The following TPO variants were observed in gnomAD, a reference collection of about 807,000 sequenced individuals.
TPO encodes thyroid microsomal antigen.
TPO carries 78 observed loss-of-function variants against 96.9 expected under a neutral mutation model. That is an observed-to-expected ratio of 0.81 (90% CI 0.67 to 0.97). The LOEUF (loss-of-function observed/expected upper bound fraction) is 0.97. TPO is among the 50% of genes least tolerant of loss of function. The pLI is 0.00. For missense variants in TPO, 1,252 were observed against 1,274.8 expected (o/e 0.98, Z 0.27); for synonymous variants, 547 against 538.0 (o/e 1.02, Z -0.23).
At chr2:1,431,594 A>G (rs1185830577) in intron 3 of TPO, among the ~76,000 whole-genome samples, 1 of 152,252 alleles carries the variant, frequency 6.6e-6, no homozygotes, top group Non-Finnish European at 1.5e-5. Context: ...CAAAGTTAAC[A>G]TACCCATCAC....
At chr2:1,379,362 G>A (rs1320811412) in intron 1 of TPO, among the ~76,000 whole-genome samples, 5 of 152,146 alleles carry the variant, frequency 3.3e-5, no homozygotes, top group Non-Finnish European at 2.9e-5. Flanking sequence ...TCTGATCTTG[G>A]TAGGAATGAG....
intron 15 of TPO, among the ~76,000 whole-genome samples, chr2:1,537,236 C>G (rs1383801387): frequency 1.2e-5 from 1 of 85,896 alleles, no homozygotes; most frequent in Non-Finnish European, 2.3e-5. Context: ...AATCCCCCAA[C>G]TGTTTCGAAC....
Position 1,477,417 on chromosome 2 carries a change from A to T in TPO, c.1151A>T (p.Glu384Val), listed in dbSNP as rs755206181. The T allele has an allele frequency of 6.0e-5, 92 of 1,524,664 alleles. 1 individual carries two copies. The African/African-American group carries it at 8.7e-4, about 14-fold the overall frequency. The allele number at this position is 1,524,664 out of a possible 1,614,324, so 94.4% of individuals were successfully genotyped here. A position where few individuals can be genotyped will look rare whatever the true frequency, so the allele number is the denominator to read the frequency against. Residue 384 changes from glutamate to valine, a missense_variant, in exon 8 of 17, where the codon GAG (glutamate) becomes GTG (valine). Physicochemically the swap from Glu to Val is moderately radical, Grantham distance 121. Coordinates refer to ENST00000329066, the MANE Select transcript of TPO (RefSeq NM_001206744.2). ...GCGCCCGAGCCCGGCATCCCCGGAG[A>T]GACCCGCGGGCCCTGCTTCCTGGCC... ...ACAPEPGIPG[E>V]TRGPCFLAGD...
chr2:1,387,435 T>C (rs1414283564), intron 1 of TPO, among the ~76,000 whole-genome samples: 2 of 152,190 alleles, frequency 1.3e-5, no homozygotes, highest in African/African-American at 2.4e-5. Flanking sequence ...TCTCTAAACT[T>C]CTCTTCTCAC....
intron 2 of TPO, 72 bp downstream of exon 2, chr2:1,414,574 T>C: frequency 7.1e-7 from 1 of 1,411,756 alleles, no homozygotes. Flanking sequence ...ATAGAGGGCA[T>C]AATGGTAGCT....
chr2:1,477,397 C>A lies in TPO; in HGVS notation c.1131C>A (p.Pro377=). The change falls in exon 8 of 17, where the codon CCC becomes CCA. Residue 377 remains proline, a synonymous_variant. Transcript: ENST00000329066. ...CACGCGCGCCTGCGGCCTGTGCGCCCGAGCCCGGCATCCCCGGAGAGACCC... is the reference window on the plus strand; with the variant it reads ...CACGCGCGCCTGCGGCCTGTGCGCCAGAGCCCGGCATCCCCGGAGAGACCC... ...VPPRAPAACA[P]EPGIPGETRG... The A allele has an allele frequency of 1.3e-6, 2 of 1,525,410 alleles. No homozygotes were observed. Among genetic ancestry groups the A allele is most frequent in the Non-Finnish European group, 8.8e-7 (1 of 1,139,150 alleles). The allele number at this position is 1,525,410 out of a possible 1,614,324, so 94.5% of individuals were successfully genotyped here.
intron 3 of TPO, among the ~76,000 whole-genome samples, chr2:1,427,788 T>C (rs1029805410): frequency 2.1e-4 from 32 of 152,182 alleles, no homozygotes; most frequent in African/African-American, 7.0e-4. Flanking sequence ...ATTCATTCCC[T>C]TTTAGCATTC....
At position 1,436,281 on chromosome 2, in the gene TPO, A is replaced by C. The variant is rs746253061; in HGVS notation, c.379A>C (p.Ile127Leu). 2 of 1,614,250 alleles carry C rather than the reference A, an allele frequency of 1.2e-6. No homozygotes were observed. Among genetic ancestry groups the C allele is most frequent in the South Asian group, 2.2e-5 (2 of 91,080 alleles). The change falls in exon 5 of 17, where the codon ATT becomes CTT. Residue 127 changes from isoleucine to leucine, a missense_variant. Physicochemically the swap from Ile to Leu is conservative, Grantham distance 5. Coordinates refer to ENST00000329066, the MANE Select transcript of TPO (RefSeq NM_001206744.2). ...TTTATCAGAAGATCTGCTGAGCATCATTGCAAACATGTCTGGATGTCTCCC... is the reference window on the plus strand; with the variant it reads ...TTTATCAGAAGATCTGCTGAGCATCCTTGCAAACATGTCTGGATGTCTCCC... ...DALSEDLLSI[I>L]ANMSGCLPYM...
intron 15 of TPO, among the ~76,000 whole-genome samples, chr2:1,540,068 C>T (rs905321938): frequency 6.6e-6 from 1 of 152,164 alleles, no homozygotes; most frequent in Non-Finnish European, 1.5e-5. Flanking sequence ...CTTCCTGCAC[C>T]GGCCCCAGCT....
At chr2:1,419,091 C>T (rs913096000) in intron 2 of TPO, among the ~76,000 whole-genome samples, 10 of 152,154 alleles carry the variant, frequency 6.6e-5, no homozygotes, top group Non-Finnish European at 1.2e-4. Flanking sequence ...TCCCTGAATT[C>T]CACCTCTTTT....
chr2:1,374,148 T>A (rs1661681798), upstream of TPO: 2 of 152,166 alleles, frequency 1.3e-5, no homozygotes, highest in Non-Finnish European at 2.9e-5. Context: ...TCAGCCATGG[T>A]CTCCTCTTCA....
chr2:1,470,890 TC>T (rs1487231334), intron 7 of TPO, among the ~76,000 whole-genome samples: 1 of 152,202 alleles, frequency 6.6e-6, no homozygotes, highest in African/African-American at 2.4e-5. Context: ...CCACTTCACT[TC>T]ATTATTGTGT....
chr2:1,454,242 A>G (rs1018340404), intron 6 of TPO, among the ~76,000 whole-genome samples: 1 of 152,234 alleles, frequency 6.6e-6, no homozygotes, highest in Non-Finnish European at 1.5e-5. Context: ...ATAGCCTAGT[A>G]GAATCTACTG....
chr2:1,444,128 C>T (rs1297270162), intron 5 of TPO, among the ~76,000 whole-genome samples: 1 of 135,322 alleles, frequency 7.4e-6, no homozygotes, highest in Non-Finnish European at 1.6e-5. Flanking sequence ...TTTGTATGAT[C>T]CAGTCACTGC....
chr2:1,510,336 G>A (rs927873513), intron 14 of TPO, among the ~76,000 whole-genome samples: 1 of 152,168 alleles, frequency 6.6e-6, no homozygotes, highest in African/African-American at 2.4e-5. Context: ...GGGCATTTAC[G>A]TCAAGACTGC....
intron 1 of TPO, among the ~76,000 whole-genome samples, chr2:1,395,293 G>C (rs1662062804): frequency 6.6e-6 from 1 of 152,032 alleles, no homozygotes; most frequent in Admixed American, 6.6e-5. Context: ...AAGCAGAACA[G>C]CTCTGACACA....
rs116385550 is a variant in TPO at position 1,461,084 on chromosome 2, C to T, written c.819+4802C>T. Among the ~76,000 whole-genome samples, 900 of 152,262 alleles carry T rather than the reference C, an allele frequency of 5.9e-3. 15 individuals are homozygous for T. Among genetic ancestry groups the T allele is most frequent in the African/African-American group, 0.02 (834 of 41,552 alleles). ...GGCCACCATCTGGGTGGGAAGGACACGGGTAGCCCTGAGGCCAGACAAGGA... is the reference window on the plus strand; with the variant it reads ...GGCCACCATCTGGGTGGGAAGGACATGGGTAGCCCTGAGGCCAGACAAGGA... On this transcript the variant is annotated intron_variant, in intron 7 of 16. Coordinates refer to ENST00000329066, the MANE Select transcript of TPO (RefSeq NM_001206744.2).
chr2:1,449,714 T>G (rs1667152783), intron 5 of TPO, among the ~76,000 whole-genome samples: 2 of 152,214 alleles, frequency 1.3e-5, no homozygotes, highest in Admixed American at 6.5e-5. Flanking sequence ...GGAATTGACC[T>G]TGGTGTCTTA....
At chr2:1,489,066 G>T (rs13409953) in intron 10 of TPO, among the ~76,000 whole-genome samples, 1 of 140,444 alleles carries the variant, frequency 7.1e-6, no homozygotes, top group Non-Finnish European at 1.5e-5. Context: ...GCACATGCCC[G>T]GCACATGCCC....
Sources: gnomAD v4.1 joint callset for allele counts (sites outside exome capture counted in the v4.1 genomes callset) on GRCh38, gnomAD v4.1.1 for gene constraint, MANE v1.5 for transcripts, NCBI Gene and HGNC (gene_info 2026-07-23, HGNC 2026-07-21) for gene names.